The following ELP1 variants were observed in gnomAD, a reference collection of about 807,000 sequenced individuals.
ELP1 encodes the protein elongator complex protein 1.
Under a neutral mutation model 183.2 loss-of-function variants are expected in ELP1, and 131 were observed. The ratio of observed to expected loss-of-function variants is 0.72; its 90% CI spans 0.62 to 0.83. ELP1 has a LOEUF of 0.83. ELP1 is among the 40% of genes least tolerant of loss of function. The pLI is 0.00. For synonymous variants in ELP1, 555 were observed against 569.0 expected (o/e 0.98, Z 0.35); for missense variants, 1,550 against 1,594.9 (o/e 0.97, Z 0.48).
chr9:108,879,404 G>A lies in ELP1; in HGVS notation c.3572+42C>T. 3 of 1,439,766 alleles carry A rather than the reference G, an allele frequency of 2.1e-6. No individual in the cohort carries two copies. The East Asian group carries it at 6.8e-5, about 33-fold the overall frequency. 89.2% of individuals were successfully genotyped at this position (1,439,766 alleles called of 1,614,324 possible). A position where few individuals can be genotyped will look rare whatever the true frequency, so the allele number is the denominator to read the frequency against. On this transcript the variant is annotated intron_variant, in intron 33 of 36. Transcript: ENST00000374647. ...CTATTTGCTTCCACTTTCCCTATAT[G>A]CCCAGGATATAGTCAATGTGCTGAA...
At chr9:108,921,987 C>T (rs1829665113) in intron 6 of ELP1, among the ~76,000 whole-genome samples, 1 of 152,150 alleles carries the variant, frequency 6.6e-6, no homozygotes, top group African/African-American at 2.4e-5. Context: ...ACAGAGAATA[C>T]TGAGGCTCAG....
At chr9:108,870,813 T>C (rs1827420840) in intron 36 of ELP1, among the ~76,000 whole-genome samples, 1 of 152,184 alleles carries the variant, frequency 6.6e-6, no homozygotes, top group East Asian at 1.9e-4. Context: ...CAATTTATTT[T>C]CTGGCACTGC....
chr9:108,900,044 T>C (rs1828710269), intron 19 of ELP1, 149 bp from the exon 20 acceptor site: 2 of 833,380 alleles, frequency 2.4e-6, no homozygotes, highest in South Asian at 3.0e-5. Flanking sequence ...TTCTCTATAT[T>C]TATCTTGACT....
intron 29 of ELP1, among the ~76,000 whole-genome samples, chr9:108,885,610 G>C (rs1006974796): frequency 2.0e-5 from 3 of 152,198 alleles, no homozygotes; most frequent in Non-Finnish European, 4.4e-5. Flanking sequence ...CCAAGAGCTG[G>C]GAGAAAGAGC....
intron 10 of ELP1, among the ~76,000 whole-genome samples, chr9:108,913,397 C>G (rs1414694094): frequency 6.6e-6 from 1 of 152,096 alleles, no homozygotes; most frequent in African/African-American, 2.4e-5. Context: ...CAAAACCAAC[C>G]TTTACTAAAC....
chr9:108,926,049 G>A (rs1009394813), intron 5 of ELP1, among the ~76,000 whole-genome samples: 3 of 152,140 alleles, frequency 2.0e-5, no homozygotes, highest in South Asian at 2.1e-4. Flanking sequence ...CTTAATAAGC[G>A]TCTCTCTTCT....
chr9:108,896,625 A>T lies in ELP1; in HGVS notation c.2607T>A (p.Pro869=). The stretch of plus-strand genomic sequence containing the variant: ...AGGCCTCTTCAGCACTCACAGCATC[A>T]GGATCAGAGGGAGCATTTCCTAACA... ...HELQGNAPSD[P]DAVSAEEALK... is the part of the protein sequence containing the mutation. The change falls in exon 25 of 37, where the codon CCT becomes CCA. Residue 869 remains proline (P), a synonymous_variant. Coordinates refer to ENST00000374647, the MANE Select transcript of ELP1 (RefSeq NM_003640.5). 1 of 1,614,046 alleles carries T rather than the reference A, an allele frequency of 6.2e-7. No homozygotes were observed. The highest frequency in any genetic ancestry group is 8.5e-7 in the Non-Finnish European group (1 of 1,179,856).
chr9:108,897,277 T>C lies in ELP1; in HGVS notation c.2372A>G (p.Asp791Gly), dbSNP rs532550445. 1 of 1,614,112 alleles carries C rather than the reference T, an allele frequency of 6.2e-7. No individual in the cohort carries two copies. The change falls in exon 23 of 37, where the codon GAT becomes GGT. Residue 791 changes from aspartate (D) to glycine (G), a missense_variant. Asp to Gly is a moderately conservative substitution (Grantham distance 94). Transcript: ENST00000374647. ...TGCAGGGTACATGGTCTTCGTGACATCTTCTTCTCTAAGAACAGGTGTGTA... is the reference window on the plus strand; with the variant it reads ...TGCAGGGTACATGGTCTTCGTGACACCTTCTTCTCTAAGAACAGGTGTGTA... ...NLFFTELKEE[D>G]VTKTMYPAPV...
At chr9:108,899,949 G>T in intron 19 of ELP1, 54 bp from the exon 20 acceptor site, 2 of 1,387,264 alleles carry the variant, frequency 1.4e-6, no homozygotes, top group Non-Finnish European at 1.0e-6. Flanking sequence ...CATTTAAATA[G>T]CCAGGATACA....
rs1483740306 is a variant in ELP1 at position 108,931,342 on chromosome 9, T to A, written c.-55-141A>T. The A allele has an allele frequency of 5.1e-6, 3 of 593,102 alleles. No individual in the cohort carries two copies. In the African/African-American group the frequency reaches 5.6e-5, roughly 11 times the overall value. 36.7% of individuals were successfully genotyped at this position (593,102 alleles called of 1,614,324 possible). ...TTACCTCTCTGAGTACACACCCATG[T>A]ATGGATTATAGCAGCAACCTGACCC... On this transcript the variant is annotated intron_variant, in intron 1 of 36. Coordinates refer to ENST00000374647, the MANE Select transcript of ELP1 (RefSeq NM_003640.5).
At position 108,896,601 on chromosome 9, in the gene ELP1, G is replaced by A. The variant is rs138023874; in HGVS notation, c.2631C>T (p.Ala877=). The A allele has an allele frequency of 1.3e-3, 2,146 of 1,613,776 alleles. 30 individuals are homozygous for A. In the African/African-American group the frequency reaches 0.026, roughly 20 times the overall value. Residue 877 remains alanine, a synonymous_variant, in exon 25 of 37, where the codon GCC becomes GCT. Coordinates refer to ENST00000374647, the MANE Select transcript of ELP1 (RefSeq NM_003640.5). ...SDPDAVSAEE[A]LKYLLHLVDV... is the part of the protein sequence containing the mutation. ...CTACCAGATGCAGCAAATATTTCAAGGCCTCTTCAGCACTCACAGCATCAG... is the reference window on the plus strand; with the variant it reads ...CTACCAGATGCAGCAAATATTTCAAAGCCTCTTCAGCACTCACAGCATCAG...
rs370772658 is a variant in ELP1, at chr9:108,899,892, G to A, written c.2134C>T (p.Pro712Ser). ...PQDTKLVLQM[P>S]RGNLEVVHHR... ...TGAACAACTTCTAAGTTTCCCCTTG[G>A]CATCTTAAATAAATTAAAGCAGTAA... The change falls in exon 20 of 37, where the codon CCA becomes TCA. Residue 712 changes from proline to serine, a missense_variant. Transcript: ENST00000374647. 11 of 1,613,184 alleles carry A rather than the reference G, an allele frequency of 6.8e-6. No homozygotes were observed. Among genetic ancestry groups the A allele is most frequent in the East Asian group, 2.2e-5 (1 of 44,868 alleles).
intron 19 of ELP1, 94 bp downstream of exon 19, chr9:108,900,166 A>G (rs1050501562): frequency 8.5e-6 from 8 of 935,784 alleles, no homozygotes; most frequent in African/African-American, 1.6e-5. Flanking sequence ...GATACAAAGA[A>G]TAAGAAAGCC....
chr9:108,905,141 C>T (rs1056222612), intron 14 of ELP1, among the ~76,000 whole-genome samples: 4 of 152,194 alleles, frequency 2.6e-5, no homozygotes, highest in South Asian at 2.1e-4. Context: ...CAAAATATCA[C>T]GAAAGACTAT....
chr9:108,930,349 T>G (rs1172856134), intron 2 of ELP1, among the ~76,000 whole-genome samples: 1 of 152,152 alleles, frequency 6.6e-6, no homozygotes, highest in Non-Finnish European at 1.5e-5. Flanking sequence ...GAGCCAACAC[T>G]AAAGATTCTG....
chr9:108,899,798 C>T lies in ELP1; in HGVS notation c.2204+24G>A, dbSNP rs369848747. ...ACACATAAATCACAAGCTAACTAGTCGCAAACAGTACAATGGCACTTACTT... is the reference window on the plus strand; with the variant it reads ...ACACATAAATCACAAGCTAACTAGTTGCAAACAGTACAATGGCACTTACTT... On this transcript the variant is annotated intron_variant, in intron 20 of 36. Coordinates refer to ENST00000374647, the MANE Select transcript of ELP1 (RefSeq NM_003640.5). 1.7e-4 allele frequency: 263 copies of T among 1,592,236 alleles called. 1 individual carries two copies. Among genetic ancestry groups the T allele is most frequent in the Non-Finnish European group, 2.1e-4 (246 of 1,160,294 alleles).
At position 108,897,168 on chromosome 9, in the gene ELP1, C is replaced by T. The variant is rs781660225; in HGVS notation, c.2481G>A (p.Met827Ile). The stretch of plus-strand genomic sequence containing the variant: ...CATACTTATGAGGATTTATGCTCTC[C>T]ATGACTGCTCTCATAGCATCGCAGA... Reference protein sequence around the residue: ...DLVCDAMRAVMESINPHKYCL... With the variant: ...DLVCDAMRAVIESINPHKYCL... The change falls in exon 23 of 37, where the codon ATG becomes ATA. Residue 827 changes from methionine (M) to isoleucine (I), a missense_variant. By Grantham distance (10) the Met-to-Ile change is conservative (BLOSUM62 1). Coordinates refer to ENST00000374647, the MANE Select transcript of ELP1 (RefSeq NM_003640.5). 1.2e-6 allele frequency: 2 copies of T among 1,614,192 alleles called. No homozygotes were observed. Among genetic ancestry groups the T allele is most frequent in the African/African-American group, 1.3e-5 (1 of 75,036 alleles).
chr9:108,899,775 A>T, intron 20 of ELP1, 47 bp downstream of exon 20: 2 of 1,412,916 alleles, frequency 1.4e-6, no homozygotes, highest in Non-Finnish European at 2.0e-6. Context: ...TTGTCTTCAC[A>T]CATAAATCAC....
intron 1 of ELP1, among the ~76,000 whole-genome samples, chr9:108,932,325 C>A (rs934563101): frequency 6.6e-6 from 1 of 152,080 alleles, no homozygotes; most frequent in African/African-American, 2.4e-5. Context: ...ATTACTTGAA[C>A]CTCTAACATA....
Sources: allele counts gnomAD v4.1 joint callset (sites outside exome capture counted in the v4.1 genomes callset), GRCh38; gene constraint gnomAD v4.1.1; transcripts MANE v1.5; gene names NCBI Gene and HGNC (gene_info 2026-07-23, HGNC 2026-07-21).